Variants in ETV6 observed in about 807,000 individuals in gnomAD.
ETV6 encodes the protein transcription factor ETV6.
A neutral mutation model predicts 51.1 loss-of-function variants in ETV6; 16 were observed. That is an observed-to-expected ratio of 0.31 (90% confidence interval 0.21 to 0.48). The LOEUF (loss-of-function observed/expected upper bound fraction) is 0.48, where lower values mean the gene tolerates loss of function less well. Among genes scored for constraint, ETV6 ranks in the 20% least tolerant of loss-of-function variants. ETV6 has a pLI of 0.99. For synonymous variants in ETV6, 240 were observed against 224.1 expected (o/e 1.07, Z -0.64); for missense variants, 458 against 594.8 (o/e 0.77, Z 2.39).
chr12:11,825,673 A>G (rs1322002346), intron 2 of ETV6: 1 of 152,154 alleles, frequency 6.6e-6, no homozygotes, highest in Non-Finnish European at 1.5e-5. Flanking sequence ...GGACATTTCT[A>G]TTTGGCAGCC....
At chr12:11,877,599 A>C (rs377446052) in intron 5 of ETV6, among the ~76,000 whole-genome samples, 1 of 152,110 alleles carries the variant, frequency 6.6e-6, no homozygotes, top group East Asian at 1.9e-4. Flanking sequence ...CTCCCACACT[A>C]TCTCAGGGAG....
At chr12:11,781,444 A>G (rs1001179838) in intron 2 of ETV6, among the ~76,000 whole-genome samples, 14 of 152,210 alleles carry the variant, frequency 9.2e-5, no homozygotes, top group Non-Finnish European at 1.3e-4. Context: ...GATAGGGTGT[A>G]TTCTTTCTAC....
intron 1 of ETV6, among the ~76,000 whole-genome samples, chr12:11,653,901 C>T (rs1863953293): frequency 6.6e-6 from 1 of 152,094 alleles, no homozygotes; most frequent in Admixed American, 6.5e-5. Context: ...CAACCTCTAC[C>T]TCCTAGGTTC....
At chr12:11,879,823 T>C (rs1285879272) in intron 5 of ETV6, among the ~76,000 whole-genome samples, 2 of 152,110 alleles carry the variant, frequency 1.3e-5, no homozygotes, top group Non-Finnish European at 2.9e-5. Context: ...ATAGAGTGTG[T>C]TGCGCTTTAT....
Position 11,891,469 on chromosome 12 carries a change from A to AC in ETV6, c.*423_*424insC. ...GGAAATATATATCTATTATATATAT[A>AC]TTTTTTGCAAATCTCACAAAGTGCG... On this transcript the variant is annotated 3_prime_UTR_variant, in exon 8 of 8. Coordinates refer to ENST00000396373, the MANE Select transcript of ETV6 (RefSeq NM_001987.5). 2.0e-6 allele frequency: 1 copy of AC among 488,532 alleles called. No homozygotes were observed. The highest frequency in any genetic ancestry group is 3.8e-6 in the Non-Finnish European group (1 of 260,316). The allele number at this position is 488,532 out of a possible 1,614,324, so 30.3% of individuals were successfully genotyped here. A position where few individuals can be genotyped will look rare whatever the true frequency, so the allele number is the denominator to read the frequency against.
chr12:11,668,172 T>C (rs1864231914), intron 1 of ETV6, among the ~76,000 whole-genome samples: 1 of 142,614 alleles, frequency 7.0e-6, no homozygotes, highest in Admixed American at 7.3e-5. Flanking sequence ...ATAGGTCTGT[T>C]GGACATTGTT....
At chr12:11,702,078 C>T (rs571298129) in intron 1 of ETV6, among the ~76,000 whole-genome samples, 3 of 152,078 alleles carry the variant, frequency 2.0e-5, no homozygotes, top group East Asian at 1.9e-4. Context: ...AGACTGACCC[C>T]GTTCGATCTG....
At chr12:11,700,811 G>A (rs2120836089) in intron 1 of ETV6, among the ~76,000 whole-genome samples, 1 of 152,240 alleles carries the variant, frequency 6.6e-6, no homozygotes, top group Non-Finnish European at 1.5e-5. Flanking sequence ...ATGCGGAGGA[G>A]GCGGGAGGAA....
chr12:11,729,996 T>C (rs911384816), intron 1 of ETV6, among the ~76,000 whole-genome samples: 4 of 152,194 alleles, frequency 2.6e-5, no homozygotes, highest in African/African-American at 9.7e-5. Context: ...GGGGAGTTCA[T>C]GACCATCTAT....
chr12:11,752,764 C>G, intron 2 of ETV6, 185 bp downstream of exon 2: 2 of 575,766 alleles, frequency 3.5e-6, no homozygotes, highest in Non-Finnish European at 5.7e-6. Flanking sequence ...GGTTCCTGTT[C>G]CTTGTTTCTC....
chr12:11,674,719 C>T (rs536896423), intron 1 of ETV6, among the ~76,000 whole-genome samples: 5 of 151,208 alleles, frequency 3.3e-5, no homozygotes, highest in Admixed American at 6.6e-5. Flanking sequence ...CAGCTGCTTC[C>T]GCTGTTTTCC....
chr12:11,845,085 T>C (rs1052047912), intron 3 of ETV6, among the ~76,000 whole-genome samples: 15 of 152,186 alleles, frequency 9.9e-5, no homozygotes, highest in African/African-American at 3.4e-4. Context: ...CACTTTGGCC[T>C]CCCAAAGTGC....
chr12:11,763,865 C>G (rs1591657335), intron 2 of ETV6, among the ~76,000 whole-genome samples: 1 of 152,170 alleles, frequency 6.6e-6, no homozygotes, highest in African/African-American at 2.4e-5. Flanking sequence ...GCCTTCTAAA[C>G]CTTTATTGTT....
chr12:11,800,710 T>A (rs1269491707), intron 2 of ETV6, among the ~76,000 whole-genome samples: 1 of 152,114 alleles, frequency 6.6e-6, no homozygotes, highest in Non-Finnish European at 1.5e-5. Flanking sequence ...GACTTCAAAA[T>A]GTAAAATATT....
At chr12:11,657,054 G>A (rs544171735) in intron 1 of ETV6, among the ~76,000 whole-genome samples, 59 of 151,944 alleles carry the variant, frequency 3.9e-4, no homozygotes, top group Non-Finnish European at 7.4e-4. Context: ...AGAGCATTTC[G>A]GCCATCTGAC....
At chr12:11,748,853 C>T (rs4548709) in intron 1 of ETV6, among the ~76,000 whole-genome samples, 20 of 152,172 alleles carry the variant, frequency 1.3e-4, no homozygotes, top group Middle Eastern at 3.4e-3. Flanking sequence ...TCAGTCCTTA[C>T]GCTTTCAAGA....
chr12:11,726,184 T>G (rs1865484958), intron 1 of ETV6, among the ~76,000 whole-genome samples: 2 of 152,250 alleles, frequency 1.3e-5, no homozygotes, highest in African/African-American at 4.8e-5. Context: ...ATGGATAACT[T>G]GGCTCATGAG....
At chr12:11,677,251 T>C (rs1864437499) in intron 1 of ETV6, among the ~76,000 whole-genome samples, 2 of 152,212 alleles carry the variant, frequency 1.3e-5, no homozygotes, top group Non-Finnish European at 2.9e-5. Context: ...TCTGGCTTTG[T>C]GAGGAACCTT....
chr12:11,826,708 G>T (rs564591056), intron 2 of ETV6, among the ~76,000 whole-genome samples: 1 of 152,140 alleles, frequency 6.6e-6, no homozygotes, highest in Non-Finnish European at 1.5e-5. Context: ...AATCCCAGGT[G>T]GGGTGACAGA....
Sources: gnomAD v4.1 joint callset for allele counts (sites outside exome capture counted in the v4.1 genomes callset) on GRCh38, gnomAD v4.1.1 for gene constraint, MANE v1.5 for transcripts, NCBI Gene and HGNC (gene_info 2026-07-23, HGNC 2026-07-21) for gene names.